The following ABHD12 variants were observed in gnomAD, a reference collection of about 807,000 sequenced individuals.
The protein encoded by ABHD12 is lysophosphatidylserine lipase ABHD12.
Under a neutral mutation model 58.3 loss-of-function variants are expected in ABHD12, and 43 were observed. That is an observed-to-expected ratio of 0.74 (90% CI 0.58 to 0.95). The LOEUF (loss-of-function observed/expected upper bound fraction) is 0.95, where lower values mean the gene tolerates loss of function less well. Ranked by LOEUF, ABHD12 falls within the 40% of genes least tolerant of loss-of-function variation. ABHD12 has a pLI of 0.00. For synonymous variants in ABHD12, 219 were observed against 211.2 expected (o/e 1.04, Z -0.32); for missense variants, 539 against 537.2 (o/e 1.00, Z -0.03).
chr20:25,388,956 G>A lies in ABHD12; in HGVS notation c.191+1557C>T, dbSNP rs560483029. Among the ~76,000 whole-genome samples, 8 of 151,782 alleles carry A rather than the reference G, an allele frequency of 5.3e-5. No individual in the cohort carries two copies. In the South Asian group the frequency reaches 1.5e-3, roughly 28 times the overall value. On this transcript the variant is annotated intron_variant, in intron 1 of 12. Coordinates refer to ENST00000339157, the MANE Select transcript of ABHD12 (RefSeq NM_001042472.3). ...AGTAGCTGGGATTACAGGCATATGC[G>A]CCACCACGCCCGGCTAATTTTGTAT...
At chr20:25,330,109 C>A (rs1307837618) in intron 2 of ABHD12, among the ~76,000 whole-genome samples, 1 of 152,264 alleles carries the variant, frequency 6.6e-6, no homozygotes, top group Non-Finnish European at 1.5e-5. Context: ...GGTACGCGCA[C>A]CGTGCGCAAG....
intron 1 of ABHD12, among the ~76,000 whole-genome samples, chr20:25,388,050 A>G (rs2090117450): frequency 1.4e-5 from 2 of 142,456 alleles, no homozygotes; most frequent in Non-Finnish European, 3.0e-5. Flanking sequence ...AAAAAAAAAA[A>G]AAAAAAAAAT....
At chr20:25,390,477 GCC>G in intron 1 of ABHD12, 34 bp downstream of exon 1, 1 of 98,528 alleles carries the variant, frequency 1.0e-5, no homozygotes, top group Non-Finnish European at 1.3e-5. Context: ...TGAGGGACCG[GCC>G]CCCCCCCCCC....
intron 1 of ABHD12, among the ~76,000 whole-genome samples, chr20:25,356,161 A>C (rs2089665484): frequency 1.3e-5 from 2 of 152,246 alleles, no homozygotes; most frequent in African/African-American, 4.8e-5. Flanking sequence ...TTCCCATCAA[A>C]CAGCATCTGT....
At chr20:25,296,273 G>C, downstream of ABHD12, 1 of 1,471,064 alleles carries the variant, frequency 6.8e-7, no homozygotes, top group Admixed American at 1.7e-5. Context: ...AAGGCTCGGA[G>C]CTCATTTGGA....
intron 2 of ABHD12, among the ~76,000 whole-genome samples, chr20:25,338,556 G>C (rs1318157148): frequency 6.6e-6 from 1 of 152,050 alleles, no homozygotes; most frequent in Non-Finnish European, 1.5e-5. Context: ...TGATACTTCT[G>C]CACCTTTCTC....
At chr20:25,336,880 G>T (rs535357528) in intron 2 of ABHD12, among the ~76,000 whole-genome samples, 43 of 152,280 alleles carry the variant, frequency 2.8e-4, no homozygotes, top group African/African-American at 1.0e-3. Flanking sequence ...AGATGCCCAG[G>T]GGGGTGAGGC....
At chr20:25,372,392 A>G (rs1174813315) in intron 1 of ABHD12, among the ~76,000 whole-genome samples, 2 of 152,032 alleles carry the variant, frequency 1.3e-5, no homozygotes, top group East Asian at 3.9e-4. Context: ...TATAAAACAT[A>G]GCCAGTTTGG....
intron 2 of ABHD12, among the ~76,000 whole-genome samples, chr20:25,331,134 T>C (rs969821748): frequency 6.6e-6 from 1 of 152,152 alleles, no homozygotes; most frequent in Non-Finnish European, 1.5e-5. Context: ...CTGATGGAGC[T>C]GAAAACCAAG....
chr20:25,321,990 A>C (rs1368030852), intron 3 of ABHD12, among the ~76,000 whole-genome samples: 1 of 152,208 alleles, frequency 6.6e-6, no homozygotes, highest in East Asian at 1.9e-4. Context: ...CATTTCATTT[A>C]GAAGCTTCTC....
intron 1 of ABHD12, among the ~76,000 whole-genome samples, chr20:25,376,882 A>G: frequency 6.6e-6 from 1 of 152,144 alleles, no homozygotes; most frequent in African/African-American, 2.4e-5. Flanking sequence ...AGGGAGTTTC[A>G]CTTTCTCTGT....
chr20:25,294,947 A>C, exon 13 of ABHD12: 1 of 1,613,854 alleles, frequency 6.2e-7, no homozygotes, highest in South Asian at 1.1e-5. Flanking sequence ...CTGCTCTTCG[A>C]TGACCGTGTC....
intron 6 of ABHD12, among the ~76,000 whole-genome samples, chr20:25,313,115 T>C (rs1365012483): frequency 2.6e-4 from 39 of 152,382 alleles, no homozygotes; most frequent in Admixed American, 2.1e-3. Flanking sequence ...CGGGCCATGA[T>C]GACGATGGCG....
At position 25,323,526 on chromosome 20, in the gene ABHD12, C is replaced by T. The variant is rs1410940750; in HGVS notation, c.317-96G>A. ...ATACTCACACACGTGCACAGATATG[C>T]ATCCACACGTGCACACACACACATG... is the stretch of plus-strand genomic sequence containing the variant. On this transcript the variant is annotated intron_variant, in intron 2 of 12. Coordinates refer to ENST00000339157, the MANE Select transcript of ABHD12 (RefSeq NM_001042472.3). The T allele has an allele frequency of 1.0e-5, 8 of 799,716 alleles. No homozygotes were observed. In the African/African-American group the frequency reaches 1.0e-4, roughly 10 times the overall value. 49.5% of individuals were successfully genotyped at this position (799,716 alleles called of 1,614,324 possible). A position where few individuals can be genotyped will look rare whatever the true frequency, so the allele number is the denominator to read the frequency against.
At chr20:25,316,678 C>T (rs546511126) in intron 5 of ABHD12, among the ~76,000 whole-genome samples, 1 of 152,358 alleles carries the variant, frequency 6.6e-6, no homozygotes, top group East Asian at 1.9e-4. Context: ...GCTCAACACG[C>T]CTGTCATCCC....
chr20:25,346,457 T>C (rs1255764522), intron 1 of ABHD12, among the ~76,000 whole-genome samples: 1 of 152,158 alleles, frequency 6.6e-6, no homozygotes, highest in Non-Finnish European at 1.5e-5. Context: ...CCCTACTTAA[T>C]GCAAACTATG....
At chr20:25,307,714 G>C (rs938952871) in intron 9 of ABHD12, among the ~76,000 whole-genome samples, 1 of 152,214 alleles carries the variant, frequency 6.6e-6, no homozygotes, top group African/African-American at 2.4e-5. Context: ...ATGACACCAC[G>C]TGAGCCCGGC....
intron 2 of ABHD12, among the ~76,000 whole-genome samples, chr20:25,328,247 C>T (rs372083830): frequency 1.3e-5 from 2 of 152,212 alleles, no homozygotes; most frequent in African/African-American, 4.8e-5. Context: ...CCACTTCAGA[C>T]TCTAGGGCCC....
At chr20:25,390,477 G>GGGGGCCCCCCCCC in intron 1 of ABHD12, 36 bp downstream of exon 1, 3 of 98,508 alleles carry the variant, frequency 3.0e-5, no homozygotes, top group South Asian at 1.1e-4. Context: ...TGAGGGACCG[G>GGGGGCCCCCCCCC]CCCCCCCCCC....
Sources: gnomAD v4.1 joint callset for allele counts (sites outside exome capture counted in the v4.1 genomes callset) on GRCh38, gnomAD v4.1.1 for gene constraint, MANE v1.5 for transcripts, NCBI Gene and HGNC (gene_info 2026-07-23, HGNC 2026-07-21) for gene names.